The following CPA6 variants were observed in gnomAD, a reference collection of about 807,000 sequenced individuals.
CPA6 encodes the protein carboxypeptidase A6.
CPA6 carries 58 observed loss-of-function variants against 63.3 expected under a neutral mutation model. The ratio of observed to expected loss-of-function variants is 0.92; its 90% CI spans 0.74 to 1.14. The LOEUF is 1.14. Among genes scored for constraint, CPA6 ranks in the 50% most tolerant of loss-of-function variants. The pLI, the probability that CPA6 is intolerant of heterozygous loss-of-function variation, is 0.00. For synonymous variants in CPA6, 185 were observed against 179.0 expected (o/e 1.03, Z -0.27); for missense variants, 565 against 526.6 (o/e 1.07, Z -0.71).
At chr8:67,690,319 C>A (rs546509449) in intron 1 of CPA6, among the ~76,000 whole-genome samples, 1 of 151,952 alleles carries the variant, frequency 6.6e-6, no homozygotes, top group Non-Finnish European at 1.5e-5. Context: ...TTTAAGATGT[C>A]GATGGCAACA....
In CPA6 at chr8:67,589,086, C is replaced by T. The variant is rs1300840577; in HGVS notation, c.192+35090G>A. On this transcript the variant is annotated intron_variant, in intron 2 of 10. Coordinates refer to ENST00000297770, the MANE Select transcript of CPA6 (RefSeq NM_020361.5). ...TGAGCCAAGATTGCACCACTGCACTCCGGCATGGGTGACAGAGCAAGACTC... is the reference window on the plus strand; with the variant it reads ...TGAGCCAAGATTGCACCACTGCACTTCGGCATGGGTGACAGAGCAAGACTC... 2.6e-5 allele frequency among the ~76,000 whole-genome samples: 4 copies of T among 151,394 alleles called. No homozygotes were observed. In the East Asian group the frequency reaches 7.7e-4, roughly 29 times the overall value.
chr8:67,728,853 G>A (rs148917958), intron 1 of CPA6, among the ~76,000 whole-genome samples: 3 of 152,316 alleles, frequency 2.0e-5, no homozygotes, highest in African/African-American at 7.2e-5. Context: ...GATGGAGCTG[G>A]TGGTCCGAAC....
intron 1 of CPA6, among the ~76,000 whole-genome samples, chr8:67,672,908 C>CT (rs141574564): frequency 0.2 from 30,655 of 151,532 alleles, 4,170 homozygotes; most frequent in African/African-American, 0.39. Context: ...ATTTCACTAA[C>CT]TTTTTTTTTA....
At chr8:67,498,009 T>A (rs1476487749) in intron 6 of CPA6, among the ~76,000 whole-genome samples, 1 of 152,184 alleles carries the variant, frequency 6.6e-6, no homozygotes, top group Non-Finnish European at 1.5e-5. Context: ...GTTTTGTAAG[T>A]GTCCCTCTTT....
intron 1 of CPA6, among the ~76,000 whole-genome samples, chr8:67,721,377 CTGT>C (rs768179355): frequency 2.0e-5 from 3 of 152,174 alleles, no homozygotes; most frequent in Non-Finnish European, 4.4e-5. Context: ...TATTGAAGGT[CTGT>C]TGTTAACAGA....
At chr8:67,548,614 GAT>G (rs1812875024) in intron 2 of CPA6, among the ~76,000 whole-genome samples, 1 of 152,154 alleles carries the variant, frequency 6.6e-6, no homozygotes, top group Admixed American at 6.5e-5. Context: ...ACTATGAGAT[GAT>G]ATGTGATTAA....
At chr8:67,728,923 C>A (rs761672621) in intron 1 of CPA6, among the ~76,000 whole-genome samples, 3 of 152,154 alleles carry the variant, frequency 2.0e-5, no homozygotes, top group Non-Finnish European at 4.4e-5. Flanking sequence ...AGATCATAAA[C>A]CTGGGACTTG....
intron 2 of CPA6, among the ~76,000 whole-genome samples, chr8:67,615,345 C>T (rs980504354): frequency 1.6e-4 from 25 of 152,178 alleles, no homozygotes; most frequent in African/African-American, 4.1e-4. Context: ...GAAGTGCCAT[C>T]CTTGCCCCTT....
chr8:67,669,464 C>A (rs1563385665), intron 1 of CPA6, among the ~76,000 whole-genome samples: 1 of 152,178 alleles, frequency 6.6e-6, no homozygotes, highest in Non-Finnish European at 1.5e-5. Context: ...TAACCCATCC[C>A]ACCAGCAAGA....
At chr8:67,629,114 G>T (rs952486816) in intron 1 of CPA6, among the ~76,000 whole-genome samples, 5 of 151,232 alleles carry the variant, frequency 3.3e-5, no homozygotes, top group Non-Finnish European at 5.9e-5. Flanking sequence ...ACTCCATCTC[G>T]AAACAAACTA....
chr8:67,495,200 C>T (rs1811684655), intron 6 of CPA6, among the ~76,000 whole-genome samples: 1 of 152,178 alleles, frequency 6.6e-6, no homozygotes, highest in South Asian at 2.1e-4. Flanking sequence ...TGATGCTCCC[C>T]CAACTTCAAT....
chr8:67,489,009 C>T (rs146282791), intron 6 of CPA6, among the ~76,000 whole-genome samples: 4 of 152,090 alleles, frequency 2.6e-5, no homozygotes, highest in Admixed American at 6.6e-5. Flanking sequence ...AGGGACAATT[C>T]GACTTCCTCA....
chr8:67,647,578 A>G (rs1365856455), intron 1 of CPA6, among the ~76,000 whole-genome samples: 3 of 152,170 alleles, frequency 2.0e-5, no homozygotes, highest in Non-Finnish European at 4.4e-5. Flanking sequence ...AAGCAGCCTC[A>G]AGGTCTCTTA....
At chr8:67,575,505 G>A (rs1044592017) in intron 2 of CPA6, among the ~76,000 whole-genome samples, 1 of 152,182 alleles carries the variant, frequency 6.6e-6, no homozygotes, top group African/African-American at 2.4e-5. Flanking sequence ...ACTGATGAAT[G>A]TATAAAGAAA....
intron 2 of CPA6, among the ~76,000 whole-genome samples, chr8:67,551,428 A>G (rs1255248042): frequency 1.4e-4 from 22 of 152,096 alleles, no homozygotes; most frequent in Admixed American, 1.4e-3. Context: ...CAGTAGCCTT[A>G]TAGTATAGTT....
intron 1 of CPA6, among the ~76,000 whole-genome samples, chr8:67,724,394 C>T (rs1162908303): frequency 2.0e-5 from 3 of 152,220 alleles, no homozygotes; most frequent in Admixed American, 6.5e-5. Context: ...TTCAACTCTG[C>T]AGCGAACTTA....
chr8:67,677,743 G>C (rs996088319), intron 1 of CPA6, among the ~76,000 whole-genome samples: 1 of 151,724 alleles, frequency 6.6e-6, no homozygotes. Context: ...AAATACCTAG[G>C]GTGGTAAAAA....
At chr8:67,438,765 G>GC (rs1810220854) in intron 8 of CPA6, among the ~76,000 whole-genome samples, 1 of 90,878 alleles carries the variant, frequency 1.1e-5, no homozygotes, top group Non-Finnish European at 1.9e-5. Flanking sequence ...ACAAATTGAT[G>GC]GAAAATAAAG....
At chr8:67,552,253 G>A (rs1441625068) in intron 2 of CPA6, among the ~76,000 whole-genome samples, 2 of 152,214 alleles carry the variant, frequency 1.3e-5, no homozygotes, top group Non-Finnish European at 2.9e-5. Flanking sequence ...CGGAATAGGA[G>A]TAGTGGCAGG....
Sources: allele counts gnomAD v4.1 joint callset (sites outside exome capture counted in the v4.1 genomes callset), GRCh38; gene constraint gnomAD v4.1.1; transcripts MANE v1.5; gene names NCBI Gene and HGNC (gene_info 2026-07-23, HGNC 2026-07-21).